Variants in WDR72 observed in about 807,000 individuals in gnomAD.
The protein encoded by WDR72 is WD repeat domain 72, also known as WD repeat-containing protein 72.
WDR72 carries 120 observed loss-of-function variants against 124.2 expected under a neutral mutation model. That is an observed-to-expected ratio of 0.97 (90% CI 0.83 to 1.12). The LOEUF (loss-of-function observed/expected upper bound fraction) is 1.12, where lower values mean the gene tolerates loss of function less well. Ranked by LOEUF, WDR72 falls within the 50% of genes most tolerant of loss-of-function variation. The pLI is 0.00. For missense variants in WDR72, 1,387 were observed against 1,278.8 expected, an observed-to-expected ratio of 1.08 and a Z score of -1.29; for synonymous variants, 452 against 441.7, an observed-to-expected ratio of 1.02 and a Z score of -0.29.
intron 18 of WDR72, among the ~76,000 whole-genome samples, chr15:53,570,797 C>T (rs960786511): frequency 2.6e-5 from 4 of 152,104 alleles, no homozygotes; most frequent in Non-Finnish European, 4.4e-5. Flanking sequence ...TATCACAGCA[C>T]TATTCACAAT....
intron 5 of WDR72, among the ~76,000 whole-genome samples, chr15:53,714,780 GAAGT>G (rs1262094045): frequency 2.0e-5 from 3 of 152,264 alleles, no homozygotes; most frequent in Middle Eastern, 6.8e-3. Flanking sequence ...TCCTATTTCG[GAAGT>G]AAGTGAGGCG....
intron 17 of WDR72, among the ~76,000 whole-genome samples, chr15:53,602,690 A>T (rs994365444): frequency 1.3e-5 from 2 of 152,118 alleles, no homozygotes; most frequent in Non-Finnish European, 2.9e-5. Context: ...ATCCTCGGAG[A>T]ATATTATAAG....
intron 18 of WDR72, among the ~76,000 whole-genome samples, chr15:53,552,611 T>C (rs1469835095): frequency 1.3e-5 from 2 of 152,176 alleles, no homozygotes; most frequent in Admixed American, 1.3e-4. Flanking sequence ...TTTTAACTGT[T>C]CTTCTTTCAC....
At chr15:53,756,267 G>A (rs1292023904) in intron 1 of WDR72, among the ~76,000 whole-genome samples, 2 of 152,238 alleles carry the variant, frequency 1.3e-5, no homozygotes, top group Middle Eastern at 3.4e-3. Context: ...CCTTTGCTCC[G>A]CACTCATTCT....
rs57355125 is a variant in WDR72, at chr15:53,621,430, GAT to G, written c.1963-5189_1963-5188del. 1.6e-3 allele frequency among the ~76,000 whole-genome samples: 195 copies of G among 124,290 alleles called. 4 individuals carry two copies. Among genetic ancestry groups the G allele is most frequent in the African/African-American group, 4.3e-3 (118 of 27,624 alleles). The allele number at this position is 124,290 out of a possible 152,430, so 81.5% of individuals were successfully genotyped here. ...ATCAATGAGTGGATAAAGAAACTGT[GAT>G]ATATATATATATATATATATATATA... is the stretch of plus-strand genomic sequence containing the variant. On this transcript the variant is annotated intron_variant, in intron 14 of 19. Coordinates refer to ENST00000360509, the MANE Select transcript of WDR72 (RefSeq NM_182758.4).
chr15:53,533,894 C>T (rs1892615214), intron 18 of WDR72, among the ~76,000 whole-genome samples: 2 of 152,116 alleles, frequency 1.3e-5, no homozygotes, highest in African/African-American at 2.4e-5. Context: ...TATTTTTTCT[C>T]CTCTTTCCTG....
intron 18 of WDR72, among the ~76,000 whole-genome samples, chr15:53,588,210 C>T (rs1419943020): frequency 6.6e-6 from 1 of 151,920 alleles, no homozygotes; most frequent in Non-Finnish European, 1.5e-5. Context: ...ATTACACATC[C>T]ACTCACTCAG....
At chr15:53,690,017 T>C (rs938551906) in intron 13 of WDR72, among the ~76,000 whole-genome samples, 2 of 132,948 alleles carry the variant, frequency 1.5e-5, no homozygotes, top group Admixed American at 1.9e-4. Flanking sequence ...ATTGAACAAT[T>C]AGATCACATG....
At chr15:53,607,221 C>G (rs1233174235) in intron 17 of WDR72, among the ~76,000 whole-genome samples, 3 of 151,762 alleles carry the variant, frequency 2.0e-5, no homozygotes, top group Admixed American at 1.3e-4. Context: ...AACCAGTCCT[C>G]TAAGTCAACT....
intron 18 of WDR72, among the ~76,000 whole-genome samples, chr15:53,564,870 A>C (rs957092856): frequency 7.2e-5 from 11 of 151,856 alleles, no homozygotes; most frequent in African/African-American, 2.7e-4. Flanking sequence ...AAAACCACCC[A>C]AAAATGAAAA....
At position 53,710,985 on chromosome 15, in the gene WDR72, A is replaced by G. The variant is rs1341218132; in HGVS notation, c.858-32T>C. 5.7e-6 allele frequency: 9 copies of G among 1,577,484 alleles called. No individual in the cohort carries two copies. The Admixed American group carries it at 1.5e-4, about 26-fold the overall frequency. On this transcript the variant is annotated intron_variant, in intron 8 of 19. Coordinates refer to ENST00000360509, the MANE Select transcript of WDR72 (RefSeq NM_182758.4). ...GGCAAAAATAAAAAGCAAAGTTTAG[A>G]ACTTTGAGGTTCTTTATTCGTTTTT...
intron 18 of WDR72, among the ~76,000 whole-genome samples, chr15:53,536,193 CT>C (rs142270556): frequency 0.052 from 7,983 of 152,164 alleles, 609 homozygotes; most frequent in African/African-American, 0.17. Context: ...GAGCCACCCC[CT>C]TTTTCCTTTA....
chr15:53,514,391 A>G lies in WDR72; in HGVS notation c.*3308T>C, dbSNP rs926052699. ...AATGTAACCTGAACTTTCATTTTAAATACATGGCATAAAATTTAATTTTAA... is the reference window on the plus strand; with the variant it reads ...AATGTAACCTGAACTTTCATTTTAAGTACATGGCATAAAATTTAATTTTAA... On this transcript the variant is annotated 3_prime_UTR_variant, in exon 20 of 20. Coordinates refer to ENST00000360509, the MANE Select transcript of WDR72 (RefSeq NM_182758.4). The G allele has an allele frequency of 3.9e-5, 6 of 152,312 alleles. No homozygotes were observed. Among genetic ancestry groups the G allele is most frequent in the Admixed American group, 3.9e-4 (6 of 15,282 alleles). 9.4% of individuals were successfully genotyped at this position (152,312 alleles called of 1,614,324 possible). A position where few individuals can be genotyped will look rare whatever the true frequency, so the allele number is the denominator to read the frequency against.
chr15:53,600,364 G>C (rs2012990626), intron 17 of WDR72, among the ~76,000 whole-genome samples: 1 of 152,072 alleles, frequency 6.6e-6, no homozygotes, highest in Non-Finnish European at 1.5e-5. Context: ...TAATGAGCTA[G>C]TATTGAGCAT....
chr15:53,601,481 G>C (rs2013042329), intron 17 of WDR72, among the ~76,000 whole-genome samples: 1 of 152,104 alleles, frequency 6.6e-6, no homozygotes, highest in Non-Finnish European at 1.5e-5. Flanking sequence ...CTAACATCAT[G>C]ATGACAGGAT....
chr15:53,563,958 G>T (rs1470411233), intron 18 of WDR72, among the ~76,000 whole-genome samples: 2 of 151,800 alleles, frequency 1.3e-5, no homozygotes, highest in Admixed American at 1.3e-4. Flanking sequence ...CTGAATTACA[G>T]GTTTGTGATT....
intron 14 of WDR72, among the ~76,000 whole-genome samples, chr15:53,618,978 G>A (rs7178887): frequency 0.15 from 23,371 of 151,824 alleles, 3,571 homozygotes; most frequent in African/African-American, 0.4. Flanking sequence ...TAGTTTGCCA[G>A]TTGTCTTCTC....
rs1427235394 is a variant in WDR72 at position 53,603,745 on chromosome 15, G to A, written c.2952+5768C>T. 5.3e-5 allele frequency among the ~76,000 whole-genome samples: 8 copies of A among 152,062 alleles called. No homozygotes were observed. In the East Asian group the frequency reaches 1.6e-3, roughly 29 times the overall value. ...CTCCCATTCACAATTGCAACAAAAAGAATAAAACACCTAGGAATACAGCCA... is the reference window on the plus strand; with the variant it reads ...CTCCCATTCACAATTGCAACAAAAAAAATAAAACACCTAGGAATACAGCCA... On this transcript the variant is annotated intron_variant, in intron 17 of 19. Transcript: ENST00000360509.
chr15:53,699,639 AGGT>A, intron 13 of WDR72, 108 bp downstream of exon 13: 1 of 1,166,888 alleles, frequency 8.6e-7, no homozygotes, highest in Non-Finnish European at 1.2e-6. Flanking sequence ...GCCCAAACAA[AGGT>A]TAAAGCAAGT....
Sources: gnomAD v4.1 joint callset for allele counts (sites outside exome capture counted in the v4.1 genomes callset) on GRCh38, gnomAD v4.1.1 for gene constraint, MANE v1.5 for transcripts, NCBI Gene and HGNC (gene_info 2026-07-23, HGNC 2026-07-21) for gene names.